The following CDH12 variants were observed in gnomAD, a reference collection of about 807,000 sequenced individuals.
CDH12 encodes the protein cadherin-12.
CDH12 carries 41 observed loss-of-function variants against 74.1 expected under a neutral mutation model. That is an observed-to-expected ratio of 0.55 (90% CI 0.43 to 0.72). The LOEUF is 0.72. Ranked by LOEUF, CDH12 falls within the 30% of genes least tolerant of loss-of-function variation. The pLI is 0.00. For synonymous variants in CDH12, 399 were observed against 355.0 expected (o/e 1.12, Z -1.39); for missense variants, 945 against 977.2 (o/e 0.97, Z 0.44).
At chr5:22,767,059 A>T (rs750126460) in intron 1 of CDH12, among the ~76,000 whole-genome samples, 1 of 151,910 alleles carries the variant, frequency 6.6e-6, no homozygotes, top group Non-Finnish European at 1.5e-5. Context: ...ATACTTTTAC[A>T]CTCATTGCAT....
chr5:22,135,434 A>G (rs1293211821), intron 4 of CDH12, among the ~76,000 whole-genome samples: 2 of 151,906 alleles, frequency 1.3e-5, no homozygotes, highest in Non-Finnish European at 2.9e-5. Flanking sequence ...CGTATAACAG[A>G]TTTTTCTGTC....
intron 2 of CDH12, among the ~76,000 whole-genome samples, chr5:22,437,315 C>A (rs1305309187): frequency 1.3e-5 from 2 of 151,628 alleles, no homozygotes; most frequent in African/African-American, 4.8e-5. Flanking sequence ...TCACTCAAAT[C>A]AACTAAAAAC....
At chr5:22,425,508 C>G (rs1442678475) in intron 2 of CDH12, among the ~76,000 whole-genome samples, 1 of 151,820 alleles carries the variant, frequency 6.6e-6, no homozygotes, top group Non-Finnish European at 1.5e-5. Flanking sequence ...TGTATTCAAA[C>G]ATAAATTACA....
At chr5:21,978,757 T>C (rs1314143378) in intron 5 of CDH12, among the ~76,000 whole-genome samples, 9 of 152,190 alleles carry the variant, frequency 5.9e-5, no homozygotes, top group Non-Finnish European at 1.3e-4. Context: ...TGTGTGTATG[T>C]ATGTATACGC....
At chr5:21,764,247 G>A (rs948482402) in intron 12 of CDH12, among the ~76,000 whole-genome samples, 8 of 152,002 alleles carry the variant, frequency 5.3e-5, no homozygotes, top group Admixed American at 1.3e-4. Context: ...GGTTGCGCGC[G>A]CCTATAGTCC....
At chr5:22,438,759 C>T (rs1010434504) in intron 2 of CDH12, among the ~76,000 whole-genome samples, 1 of 151,694 alleles carries the variant, frequency 6.6e-6, no homozygotes, top group African/African-American at 2.4e-5. Flanking sequence ...ATAAATTAGG[C>T]CTCTCATAAA....
At chr5:22,319,330 T>C (rs1356473587) in intron 3 of CDH12, among the ~76,000 whole-genome samples, 1 of 152,188 alleles carries the variant, frequency 6.6e-6, no homozygotes, top group Non-Finnish European at 1.5e-5. Context: ...CAACCTTTCT[T>C]ATTCCCTTTT....
chr5:22,222,385 C>T (rs578151090), intron 3 of CDH12, among the ~76,000 whole-genome samples: 2 of 152,000 alleles, frequency 1.3e-5, no homozygotes, highest in South Asian at 2.1e-4. Flanking sequence ...CTAAAGACCA[C>T]GAATTAGGTT....
intron 3 of CDH12, among the ~76,000 whole-genome samples, chr5:22,324,672 T>C (rs1739011938): frequency 1.3e-5 from 2 of 151,938 alleles, no homozygotes; most frequent in Admixed American, 6.6e-5. Context: ...CAGAAAAATG[T>C]ATGTATTTAT....
At chr5:22,621,334 G>A (rs1346895185) in intron 1 of CDH12, among the ~76,000 whole-genome samples, 5 of 152,122 alleles carry the variant, frequency 3.3e-5, no homozygotes, top group African/African-American at 4.8e-5. Context: ...CAGGTAGGAG[G>A]CATTAGGATA....
intron 3 of CDH12, among the ~76,000 whole-genome samples, chr5:22,317,105 C>G (rs565911632): frequency 1.2e-4 from 18 of 152,134 alleles, no homozygotes; most frequent in African/African-American, 4.1e-4. Context: ...ATCACCCGAG[C>G]TCAGGAGTTC....
intron 4 of CDH12, among the ~76,000 whole-genome samples, chr5:22,176,025 A>G (rs1749317768): frequency 6.6e-6 from 1 of 152,170 alleles, no homozygotes; most frequent in African/African-American, 2.4e-5. Context: ...TGCTGAATCC[A>G]GTCCAGCTCA....
At chr5:22,262,174 T>C (rs1388041381) in intron 3 of CDH12, among the ~76,000 whole-genome samples, 3 of 151,936 alleles carry the variant, frequency 2.0e-5, no homozygotes, top group Admixed American at 2.0e-4. Context: ...TTGTGCAGGT[T>C]AGTTACATAT....
chr5:22,311,570 C>T (rs1481253679), intron 3 of CDH12, among the ~76,000 whole-genome samples: 3 of 151,832 alleles, frequency 2.0e-5, no homozygotes, highest in African/African-American at 4.8e-5. Flanking sequence ...GACGTGGTGG[C>T]ACATGCTTGT....
chr5:21,771,405 T>A (rs1286846446), intron 11 of CDH12, among the ~76,000 whole-genome samples: 1 of 152,216 alleles, frequency 6.6e-6, no homozygotes, highest in Non-Finnish European at 1.5e-5. Flanking sequence ...AATGGCACAT[T>A]AAATTATATC....
chr5:22,377,167 A>G (rs1316676186), intron 3 of CDH12, among the ~76,000 whole-genome samples: 3 of 152,162 alleles, frequency 2.0e-5, no homozygotes, highest in Non-Finnish European at 4.4e-5. Flanking sequence ...GCAACCAATA[A>G]TACCAATGAC....
At chr5:22,668,916 TTC>T (rs780189558) in intron 1 of CDH12, among the ~76,000 whole-genome samples, 12 of 150,332 alleles carry the variant, frequency 8.0e-5, no homozygotes, top group South Asian at 2.1e-4. Context: ...GGTCTCTCTC[TTC>T]TCTCTCTCTC....
chr5:22,265,314 A>G (rs1753666027), intron 3 of CDH12, among the ~76,000 whole-genome samples: 1 of 152,322 alleles, frequency 6.6e-6, no homozygotes, highest in Admixed American at 6.5e-5. Context: ...TAACACGAAC[A>G]CTTTCCCTTG....
At chr5:21,923,790 G>A (rs1395582647) in intron 6 of CDH12, among the ~76,000 whole-genome samples, 1 of 152,126 alleles carries the variant, frequency 6.6e-6, no homozygotes. Flanking sequence ...CAATGTTTTT[G>A]TTTTCTATGA....
Sources: allele counts gnomAD v4.1 joint callset (sites outside exome capture counted in the v4.1 genomes callset), GRCh38; gene constraint gnomAD v4.1.1; transcripts MANE v1.5; gene names NCBI Gene and HGNC (gene_info 2026-07-23, HGNC 2026-07-21).